The following MYT1L variants were observed in gnomAD, a reference collection of about 807,000 sequenced individuals.
MYT1L encodes the protein myelin transcription factor 1 like.
A neutral mutation model predicts 126.7 loss-of-function variants in MYT1L; 12 were observed. The ratio of observed to expected loss-of-function variants is 0.09; its 90% CI spans 0.06 to 0.15. The LOEUF (loss-of-function observed/expected upper bound fraction) is 0.15, where lower values mean the gene tolerates loss of function less well. MYT1L is among the 10% of genes least tolerant of loss of function. The pLI, the probability that MYT1L is intolerant of heterozygous loss-of-function variation, is 1.00. For missense variants in MYT1L, 979 were observed against 1,585.2 expected, an observed-to-expected ratio of 0.62 and a Z score of 6.49; for synonymous variants, 541 against 604.2, an observed-to-expected ratio of 0.90 and a Z score of 1.53.
At chr2:2,264,451 C>A (rs892816483) in intron 2 of MYT1L, among the ~76,000 whole-genome samples, 4 of 152,090 alleles carry the variant, frequency 2.6e-5, no homozygotes, top group Non-Finnish European at 4.4e-5. Flanking sequence ...ATCATACTTC[C>A]TAAGTTACTT....
At chr2:2,054,151 T>C (rs147395858) in intron 3 of MYT1L, 28 bp from the exon 4 acceptor site, 7 of 152,782 alleles carry the variant, frequency 4.6e-5, no homozygotes, top group Admixed American at 3.9e-4. Context: ...GGCAGAATAA[T>C]GAGGCTGATA....
chr2:1,818,002 A>G (rs917627190), intron 21 of MYT1L, among the ~76,000 whole-genome samples: 8 of 152,190 alleles, frequency 5.3e-5, no homozygotes, highest in African/African-American at 1.9e-4. Flanking sequence ...GACGTCTGGC[A>G]CCAGGCGTCA....
intron 2 of MYT1L, among the ~76,000 whole-genome samples, chr2:2,268,966 G>T (rs750629872): frequency 6.6e-6 from 1 of 152,156 alleles, no homozygotes; most frequent in African/African-American, 2.4e-5. Flanking sequence ...CACCTGAGCA[G>T]GTGTCTCTTT....
chr2:2,221,088 T>C (rs75123264), intron 2 of MYT1L, among the ~76,000 whole-genome samples: 16 of 152,350 alleles, frequency 1.1e-4, no homozygotes, highest in Middle Eastern at 3.4e-3. Context: ...CTTCTTGCTG[T>C]ACCCACTTTT....
At chr2:2,272,053 A>G (rs895175303) in intron 2 of MYT1L, among the ~76,000 whole-genome samples, 4 of 152,146 alleles carry the variant, frequency 2.6e-5, no homozygotes, top group Non-Finnish European at 5.9e-5. Context: ...CGCCCCACCC[A>G]GCAATCCCAC....
chr2:1,792,514 C>T (rs778293492), intron 23 of MYT1L, 50 bp from the exon 24 acceptor site: 17 of 1,572,500 alleles, frequency 1.1e-5, no homozygotes, highest in Admixed American at 5.2e-5. Context: ...GACCTAGGAG[C>T]GCGTGGTCGT....
chr2:2,003,308 C>T (rs1412355638), intron 4 of MYT1L, among the ~76,000 whole-genome samples: 1 of 152,160 alleles, frequency 6.6e-6, no homozygotes, highest in Admixed American at 6.5e-5. Flanking sequence ...TTGAAAAAGT[C>T]AGCAGGTAGG....
intron 4 of MYT1L, among the ~76,000 whole-genome samples, chr2:2,046,871 G>A (rs1246549090): frequency 3.9e-5 from 6 of 152,112 alleles, no homozygotes; most frequent in Non-Finnish European, 8.8e-5. Flanking sequence ...CAGCCTGCCT[G>A]TCTACTGTCC....
Position 2,000,219 on chromosome 2 carries a change from C to A in MYT1L, c.-157-2872G>T, listed in dbSNP as rs145368627. Among the ~76,000 whole-genome samples, 357 of 152,092 alleles carry A rather than the reference C, an allele frequency of 2.3e-3. 1 individual carries two copies. Among genetic ancestry groups the A allele is most frequent in the African/African-American group, 8.1e-3 (335 of 41,502 alleles). On this transcript the variant is annotated intron_variant, in intron 4 of 24. Transcript: ENST00000647738. ...TGGTGCACAGAGTCCTGTCCCAGGG[C>A]AGGGGTTCGAGTCCGTCCTCCGAGC...
At chr2:2,000,444 C>A in intron 4 of MYT1L, among the ~76,000 whole-genome samples, 1 of 152,140 alleles carries the variant, frequency 6.6e-6, no homozygotes, top group East Asian at 1.9e-4. Context: ...TTTTGAAAAC[C>A]AAGCATTCAC....
At chr2:2,311,983 G>A (rs1417756743) in intron 1 of MYT1L, among the ~76,000 whole-genome samples, 4 of 152,224 alleles carry the variant, frequency 2.6e-5, no homozygotes, top group Non-Finnish European at 5.9e-5. Context: ...AAGCATTGTA[G>A]GTCACATTGT....
At chr2:2,090,495 T>C (rs776021653) in intron 3 of MYT1L, among the ~76,000 whole-genome samples, 1 of 152,242 alleles carries the variant, frequency 6.6e-6, no homozygotes, top group East Asian at 1.9e-4. Flanking sequence ...TTCAGGGAGT[T>C]GTCATCTCTT....
At chr2:1,863,920 G>A (rs772699118) in intron 18 of MYT1L, among the ~76,000 whole-genome samples, 10 of 152,226 alleles carry the variant, frequency 6.6e-5, no homozygotes, top group Non-Finnish European at 1.2e-4. Context: ...ATGGTTGACG[G>A]AGGAAAGAAC....
At chr2:2,218,758 GA>G (rs2093765932) in intron 2 of MYT1L, among the ~76,000 whole-genome samples, 1 of 152,046 alleles carries the variant, frequency 6.6e-6, no homozygotes, top group South Asian at 2.1e-4. Flanking sequence ...AGGGTTTGGT[GA>G]AGCAGAGGAA....
At chr2:2,005,497 G>GGCGTTCTTTCCT (rs2063180194) in intron 4 of MYT1L, among the ~76,000 whole-genome samples, 9 of 5,764 alleles carry the variant, frequency 1.6e-3, no homozygotes, top group African/African-American at 5.0e-3. Flanking sequence ...CTTTCCTGCA[G>GGCGTTCTTTCCT]GCATTCTTTC....
chr2:2,095,659 G>A (rs1010501636), intron 3 of MYT1L, among the ~76,000 whole-genome samples: 1 of 152,140 alleles, frequency 6.6e-6, no homozygotes, highest in African/African-American at 2.4e-5. Context: ...GTGTCTGCCT[G>A]TGGCTTCTCT....
At position 1,850,848 on chromosome 2, in the gene MYT1L, C is replaced by T. The variant is rs1572864318; in HGVS notation, c.2774+793G>A. On this transcript the variant is annotated intron_variant, in intron 19 of 24. Coordinates refer to ENST00000647738, the MANE Select transcript of MYT1L (RefSeq NM_001303052.2). Reference sequence around the variant, plus strand: ...TTCCATCCACTGACCCCAATCTGCTCCTTGGTTGTAAATCCCCACTTGTCC... The same window carrying T: ...TTCCATCCACTGACCCCAATCTGCTTCTTGGTTGTAAATCCCCACTTGTCC... Among the ~76,000 whole-genome samples, 4 of 152,194 alleles carry T rather than the reference C, an allele frequency of 2.6e-5. No individual in the cohort carries two copies. In the East Asian group the frequency reaches 5.8e-4, roughly 22 times the overall value.
intron 4 of MYT1L, among the ~76,000 whole-genome samples, chr2:2,042,054 G>T (rs891647095): frequency 1.3e-5 from 2 of 152,168 alleles, no homozygotes; most frequent in African/African-American, 4.8e-5. Context: ...CTTCTTGTAA[G>T]TCTGTTTAAA....
At chr2:2,271,116 G>C (rs1047236019) in intron 2 of MYT1L, among the ~76,000 whole-genome samples, 1 of 152,146 alleles carries the variant, frequency 6.6e-6, no homozygotes, top group Admixed American at 6.5e-5. Flanking sequence ...TGCAGTGAAG[G>C]GTTCTGACAT....
Sources: gnomAD v4.1 joint callset for allele counts (sites outside exome capture counted in the v4.1 genomes callset) on GRCh38, gnomAD v4.1.1 for gene constraint, MANE v1.5 for transcripts, NCBI Gene and HGNC (gene_info 2026-07-23, HGNC 2026-07-21) for gene names.